The following SOX5 variants were observed in gnomAD, a reference collection of about 807,000 sequenced individuals.
SOX5 encodes SRY-box transcription factor 5.
SOX5 carries 9 observed loss-of-function variants against 92.0 expected under a neutral mutation model. The observed-to-expected ratio is 0.10, with a 90% CI of 0.06 to 0.17. The LOEUF is 0.17. SOX5 is among the 10% of genes least tolerant of loss of function. The probability of loss-of-function intolerance (pLI) is 1.00; values close to 1 mark genes in which losing one functional copy is unlikely to be tolerated. For synonymous variants in SOX5, 344 were observed against 336.3 expected (o/e 1.02, Z -0.25); for missense variants, 642 against 944.5 (o/e 0.68, Z 4.20).
intron 9 of SOX5, among the ~76,000 whole-genome samples, chr12:23,581,370 T>G (rs1280321053): frequency 6.6e-6 from 1 of 152,076 alleles, no homozygotes. Flanking sequence ...GAATATAAAT[T>G]TCATCTTTAT....
At chr12:24,548,343 G>C (rs1952843437) in intron 1 of SOX5, among the ~76,000 whole-genome samples, 1 of 152,222 alleles carries the variant, frequency 6.6e-6, no homozygotes, top group African/African-American at 2.4e-5. Flanking sequence ...ATCAGAGTGA[G>C]AGATATTCAG....
At chr12:23,858,360 C>T (rs1000154912) in intron 2 of SOX5, among the ~76,000 whole-genome samples, 4 of 151,988 alleles carry the variant, frequency 2.6e-5, no homozygotes, top group African/African-American at 9.7e-5. Flanking sequence ...AAACAAACAG[C>T]CCTATTTAAA....
intron 1 of SOX5, among the ~76,000 whole-genome samples, chr12:24,474,673 T>A (rs771606366): frequency 4.0e-5 from 6 of 151,020 alleles, no homozygotes; most frequent in Non-Finnish European, 5.9e-5. Flanking sequence ...GTAGCTGGGA[T>A]TACAGGCGTG....
chr12:24,231,122 C>A (rs187423245), intron 3 of SOX5, among the ~76,000 whole-genome samples: 1 of 152,310 alleles, frequency 6.6e-6, no homozygotes, highest in Admixed American at 6.5e-5. Flanking sequence ...TTTGTTATTT[C>A]ATATTGAAGC....
In SOX5 at chr12:23,810,160, T is replaced by C. The variant is rs368956258; in HGVS notation, c.481+35823A>G. On this transcript the variant is annotated intron_variant, in intron 3 of 14. Transcript: ENST00000451604. Reference sequence around the variant, plus strand: ...TCTGTCTCCTAACTTCTTTATGATATCTCGCCTTTTTATGCTTTCCAAGTT... The same window carrying C: ...TCTGTCTCCTAACTTCTTTATGATACCTCGCCTTTTTATGCTTTCCAAGTT... Among the ~76,000 whole-genome samples the C allele has an allele frequency of 7.9e-5, 12 of 152,278 alleles. No homozygotes were observed. In the South Asian group the frequency reaches 2.3e-3, roughly 29 times the overall value.
chr12:24,501,448 A>G (rs752570693), intron 1 of SOX5, among the ~76,000 whole-genome samples: 2 of 152,018 alleles, frequency 1.3e-5, no homozygotes, highest in East Asian at 1.9e-4. Context: ...GACTTTTAAC[A>G]TAAGTCTTCA....
At chr12:23,589,596 A>G (rs748537319) in intron 9 of SOX5, among the ~76,000 whole-genome samples, 9 of 151,964 alleles carry the variant, frequency 5.9e-5, no homozygotes, top group Non-Finnish European at 1.0e-4. Context: ...AAGGGCTGGG[A>G]AGTAAGGCAT....
chr12:24,544,937 A>C (rs1597799928), intron 1 of SOX5, among the ~76,000 whole-genome samples: 2 of 152,218 alleles, frequency 1.3e-5, no homozygotes, highest in African/African-American at 4.8e-5. Context: ...TTCTGATTTT[A>C]TAGATATTCT....
At chr12:23,831,743 T>C (rs1014132148) in intron 3 of SOX5, among the ~76,000 whole-genome samples, 1 of 151,976 alleles carries the variant, frequency 6.6e-6, no homozygotes, top group African/African-American at 2.4e-5. Flanking sequence ...TCTGAAGAAG[T>C]TCAGGGAAAA....
chr12:23,826,747 T>C (rs1371551347), intron 3 of SOX5, among the ~76,000 whole-genome samples: 3 of 151,378 alleles, frequency 2.0e-5, no homozygotes, highest in Non-Finnish European at 4.4e-5. Context: ...TGGGAGAGGG[T>C]GCATTTTGTT....
chr12:24,387,468 C>T (rs12303076), intron 1 of SOX5, among the ~76,000 whole-genome samples: 4 of 152,096 alleles, frequency 2.6e-5, no homozygotes, highest in African/African-American at 9.7e-5. Flanking sequence ...AGATTGGATA[C>T]CCCTGCTGTA....
At chr12:24,234,180 C>T (rs546522893) in intron 3 of SOX5, among the ~76,000 whole-genome samples, 5 of 152,278 alleles carry the variant, frequency 3.3e-5, no homozygotes, top group African/African-American at 9.6e-5. Flanking sequence ...TATAATATTT[C>T]ACAGCATAAT....
chr12:24,361,862 T>G (rs1406633227), intron 2 of SOX5, among the ~76,000 whole-genome samples: 1 of 152,180 alleles, frequency 6.6e-6, no homozygotes, highest in Non-Finnish European at 1.5e-5. Flanking sequence ...CTTACCTGAG[T>G]GTACAGCAGC....
chr12:24,488,483 G>T (rs1052872946), intron 1 of SOX5, among the ~76,000 whole-genome samples: 1 of 152,092 alleles, frequency 6.6e-6, no homozygotes, highest in Non-Finnish European at 1.5e-5. Flanking sequence ...TACTTGAGGG[G>T]CTGAGGCCAG....
At chr12:23,721,595 G>A (rs1328142267) in intron 6 of SOX5, among the ~76,000 whole-genome samples, 1 of 152,074 alleles carries the variant, frequency 6.6e-6, no homozygotes, top group African/African-American at 2.4e-5. Context: ...ACAGTTCGCA[G>A]AATGGCCTGA....
At chr12:23,551,016 C>T (rs1002447025) in intron 11 of SOX5, among the ~76,000 whole-genome samples, 4 of 151,940 alleles carry the variant, frequency 2.6e-5, no homozygotes, top group African/African-American at 7.2e-5. Context: ...ACCAGACACA[C>T]ATACACAAAG....
chr12:24,414,006 GCT>G lies in SOX5; in HGVS notation c.-250-45369_-250-45368del, dbSNP rs1964578837. Among the ~76,000 whole-genome samples, 3 of 152,268 alleles carry G rather than the reference GCT, an allele frequency of 2.0e-5. No individual in the cohort carries two copies. In the South Asian group the frequency reaches 6.2e-4, roughly 32 times the overall value. On this transcript the variant is annotated intron_variant, in intron 1 of 4. Transcript: ENST00000446891. ...TGAAGGATCAAACCTCTAGCTTGTAGCTCTGAGTGATAGACTTCCCCTTTTAG... is the reference window on the plus strand; with the variant it reads ...TGAAGGATCAAACCTCTAGCTTGTAGCTGAGTGATAGACTTCCCCTTTTAG...
chr12:23,705,918 C>A (rs1283135417), intron 6 of SOX5, among the ~76,000 whole-genome samples: 1 of 151,962 alleles, frequency 6.6e-6, no homozygotes, highest in Non-Finnish European at 1.5e-5. Flanking sequence ...CTCAGTTGCA[C>A]ACAAATGTAT....
chr12:23,719,149 T>C (rs2092673861), intron 6 of SOX5, among the ~76,000 whole-genome samples: 1 of 152,188 alleles, frequency 6.6e-6, no homozygotes, highest in Non-Finnish European at 1.5e-5. Flanking sequence ...GCTATTGACT[T>C]CTCATGTTAT....
Sources: gnomAD v4.1 joint callset for allele counts (sites outside exome capture counted in the v4.1 genomes callset) on GRCh38, gnomAD v4.1.1 for gene constraint, MANE v1.5 for transcripts, NCBI Gene and HGNC (gene_info 2026-07-23, HGNC 2026-07-21) for gene names.